AKR1B15: variants seen among roughly 807,000 people sequenced by gnomAD.
AKR1B15 encodes aldo-keto reductase family 1 member B15.
A neutral mutation model predicts 38.5 loss-of-function variants in AKR1B15; 49 were observed. The ratio of observed to expected loss-of-function variants is 1.27; its 90% confidence interval spans 1.01 to 1.62. AKR1B15 has a LOEUF of 1.62. Ranked by LOEUF, AKR1B15 falls within the 40% of genes most tolerant of loss-of-function variation. The probability of loss-of-function intolerance (pLI) is 0.00; values close to 1 mark genes in which losing one functional copy is unlikely to be tolerated. For synonymous variants in AKR1B15, 137 were observed against 135.5 expected, an observed-to-expected ratio of 1.01 and a Z score of -0.08; for missense variants, 411 against 381.6, an observed-to-expected ratio of 1.08 and a Z score of -0.64.
chr7:134,551,053 C>T (rs1256157028), intron 1 of AKR1B15, among the ~76,000 whole-genome samples: 1 of 152,206 alleles, frequency 6.6e-6, no homozygotes, highest in Non-Finnish European at 1.5e-5. Flanking sequence ...CTCCAAGGTC[C>T]TTTTTAGCCA....
intron 2 of AKR1B15, among the ~76,000 whole-genome samples, chr7:134,562,198 A>C (rs2117638205): frequency 6.6e-6 from 1 of 152,312 alleles, no homozygotes; most frequent in Non-Finnish European, 1.5e-5. Context: ...AGACTGGAGC[A>C]GCGGACCTTC....
rs897029510 is a variant in AKR1B15 at position 134,553,109 on chromosome 7, G to A, written c.-146-3627G>A. Among the ~76,000 whole-genome samples the A allele has an allele frequency of 3.9e-5, 6 of 152,158 alleles. No homozygotes were observed. In the South Asian group the frequency reaches 1.0e-3, roughly 26 times the overall value. ...GGTATGAGACAAATGAAGGAAAAAG[G>A]GCACTCACCAGTGCTCGAAAGGCAG... is the stretch of plus-strand genomic sequence containing the variant. On this transcript the variant is annotated intron_variant, in intron 1 of 11. Transcript: ENST00000457545.
At chr7:134,574,046 C>T (rs1585813116) in intron 6 of AKR1B15, among the ~76,000 whole-genome samples, 1 of 140,138 alleles carries the variant, frequency 7.1e-6, no homozygotes, top group East Asian at 2.1e-4. Flanking sequence ...GTCACCGCAT[C>T]CAGCTAATTA....
chr7:134,556,288 G>C (rs1794193930), intron 1 of AKR1B15, among the ~76,000 whole-genome samples: 1 of 152,120 alleles, frequency 6.6e-6, no homozygotes, highest in South Asian at 2.1e-4. Flanking sequence ...ATTTTGGACG[G>C]GATACATCAC....
chr7:134,570,916 T>G (rs1794654929), intron 5 of AKR1B15, among the ~76,000 whole-genome samples: 1 of 152,220 alleles, frequency 6.6e-6, no homozygotes, highest in Non-Finnish European at 1.5e-5. Flanking sequence ...TTGTCTAGAT[T>G]CCATGCCCTG....
intron 2 of AKR1B15, among the ~76,000 whole-genome samples, chr7:134,562,918 C>T (rs111869322): frequency 2.8e-5 from 4 of 143,496 alleles, no homozygotes; most frequent in East Asian, 2.1e-4. Flanking sequence ...TCTTTCCTTC[C>T]TTCCTTGCTC....
chr7:134,563,818 G>A (rs1367283619), intron 2 of AKR1B15, among the ~76,000 whole-genome samples: 1 of 152,164 alleles, frequency 6.6e-6, no homozygotes, highest in Non-Finnish European at 1.5e-5. Context: ...ACAGAAAACA[G>A]CCACTCAGTT....
chr7:134,575,670 G>A (rs1371996386), intron 7 of AKR1B15, 128 bp downstream of exon 7: 21 of 1,577,340 alleles, frequency 1.3e-5, no homozygotes, highest in Non-Finnish European at 1.7e-5. Context: ...TTGGGGAGGT[G>A]TGAGGCTGAT....
chr7:134,578,154 G>A (rs943584216), intron 11 of AKR1B15, among the ~76,000 whole-genome samples: 9 of 152,304 alleles, frequency 5.9e-5, no homozygotes, highest in Non-Finnish European at 1.0e-4. Context: ...CACAGGCTTA[G>A]GGAGGGAGGG....
intron 4 of AKR1B15, 43 bp from the exon 5 acceptor site, chr7:134,569,370 T>G (rs781553012): frequency 3.7e-6 from 6 of 1,609,344 alleles, no homozygotes; most frequent in Middle Eastern, 3.3e-4. Flanking sequence ...ATGTGGCCCT[T>G]CCTTTTCCCA....
intron 1 of AKR1B15, among the ~76,000 whole-genome samples, chr7:134,552,626 A>G (rs916172479): frequency 2.6e-5 from 4 of 152,272 alleles, no homozygotes; most frequent in African/African-American, 7.2e-5. Context: ...ACTTGCAGGA[A>G]GGTAACAAGC....
rs11771859 is a variant in AKR1B15 at position 134,566,123 on chromosome 7, A to G, written c.150+1354A>G. The stretch of plus-strand genomic sequence containing the variant: ...AGACTGGGCAACATAGCAAGACCCA[A>G]TTTCTACAAATAATCAATAAATTAG... On this transcript the variant is annotated intron_variant, in intron 3 of 11. Transcript: ENST00000457545. Among the ~76,000 whole-genome samples the G allele has an allele frequency of 6.2e-3, 948 of 152,272 alleles. 10 individuals are homozygous for G. The highest frequency in any genetic ancestry group is 0.017 in the South Asian group (80 of 4,822).
At chr7:134,562,132 T>A (rs992313604) in intron 2 of AKR1B15, among the ~76,000 whole-genome samples, 1 of 152,138 alleles carries the variant, frequency 6.6e-6, no homozygotes, top group Non-Finnish European at 1.5e-5. Flanking sequence ...TACAGACATG[T>A]GCCACTGTGT....
chr7:134,562,218 G>A (rs1271348569), intron 2 of AKR1B15, among the ~76,000 whole-genome samples: 1 of 152,194 alleles, frequency 6.6e-6, no homozygotes, highest in Non-Finnish European at 1.5e-5. Flanking sequence ...CACAGTGAGT[G>A]TTACAGTTCT....
chr7:134,575,233 G>A (rs1348101212), intron 6 of AKR1B15, among the ~76,000 whole-genome samples, 187 bp from the exon 7 acceptor site: 1 of 152,142 alleles, frequency 6.6e-6, no homozygotes, highest in Non-Finnish European at 1.5e-5. Context: ...GGGCTGGGGA[G>A]GGGCAGTAGG....
intron 3 of AKR1B15, among the ~76,000 whole-genome samples, chr7:134,565,933 C>G (rs1359212505): frequency 2.6e-5 from 4 of 152,098 alleles, no homozygotes; most frequent in Non-Finnish European, 5.9e-5. Context: ...AAGTCCCTGG[C>G]ACCACTTTGC....
intron 3 of AKR1B15, chr7:134,565,310 A>T: frequency 8.9e-7 from 1 of 1,124,080 alleles, no homozygotes; most frequent in Non-Finnish European, 1.2e-6. Flanking sequence ...ACACATCTGA[A>T]GGAACAAACT....
In AKR1B15 at chr7:134,562,684, A is replaced by G. The variant is rs557357330; in HGVS notation, c.-22-1914A>G. ...ATTTCTCCGAGTCCCCACCCAACCCAGAAGTCCAGCTGGCTACACCTCTCA... is the reference window on the plus strand; with the variant it reads ...ATTTCTCCGAGTCCCCACCCAACCCGGAAGTCCAGCTGGCTACACCTCTCA... On this transcript the variant is annotated intron_variant, in intron 2 of 11. Transcript: ENST00000457545. 1.4e-3 allele frequency among the ~76,000 whole-genome samples: 219 copies of G among 152,174 alleles called. 2 individuals are homozygous for G. Among genetic ancestry groups the G allele is most frequent in the Admixed American group, 3.4e-3 (52 of 15,284 alleles).
chr7:134,551,427 G>A (rs770312914), intron 1 of AKR1B15, among the ~76,000 whole-genome samples: 8 of 152,190 alleles, frequency 5.3e-5, no homozygotes, highest in Non-Finnish European at 1.0e-4. Flanking sequence ...CACTGATGGA[G>A]TCTGTGCTCC....
Sources: gnomAD v4.1 joint callset for allele counts (sites outside exome capture counted in the v4.1 genomes callset) on GRCh38, gnomAD v4.1.1 for gene constraint, MANE v1.5 for transcripts, NCBI Gene and HGNC (gene_info 2026-07-23, HGNC 2026-07-21) for gene names.